RSPH14: variants seen among roughly 807,000 people sequenced by gnomAD.
The protein encoded by RSPH14 is rhabdoid tumor deletion region gene 1.
RSPH14 carries 20 observed loss-of-function variants against 26.7 expected under a neutral mutation model. The ratio of observed to expected loss-of-function variants is 0.75; its 90% confidence interval spans 0.53 to 1.09. The LOEUF (loss-of-function observed/expected upper bound fraction) is 1.09. Ranked by LOEUF, RSPH14 falls within the 50% of genes least tolerant of loss-of-function variation. RSPH14 has a pLI of 0.00. For synonymous variants in RSPH14, 177 were observed against 189.3 expected, an observed-to-expected ratio of 0.93 and a Z score of 0.53; for missense variants, 449 against 457.2, an observed-to-expected ratio of 0.98 and a Z score of 0.16.
intron 5 of RSPH14, among the ~76,000 whole-genome samples, 153 bp downstream of exon 5, chr22:23,063,749 G>T (rs531379035): frequency 3.3e-5 from 5 of 152,192 alleles, no homozygotes; most frequent in African/African-American, 4.8e-5. Context: ...CCCTAGGGGA[G>T]AAGGTCATCC....
At chr22:23,163,950 C>T in the RSPH14 span, 1 of 152,400 alleles carries the variant, frequency 6.6e-6, no homozygotes, top group African/African-American at 2.4e-5. Flanking sequence ...CCTCCCCATC[C>T]GCGGGCCATC....
At chr22:23,082,961 C>T (rs1054037016) in intron 4 of RSPH14, among the ~76,000 whole-genome samples, 4 of 151,992 alleles carry the variant, frequency 2.6e-5, no homozygotes, top group African/African-American at 4.8e-5. Context: ...TGGTCAAGAT[C>T]ATATTAAGGT....
chr22:23,176,400 C>A, the RSPH14 span, among the ~76,000 whole-genome samples: 34 of 152,340 alleles, frequency 2.2e-4, no homozygotes, highest in African/African-American at 7.5e-4. Context: ...TTGCTTGATA[C>A]ACCGCTTCCT....
At chr22:23,180,367 G>A in the RSPH14 span, 3 of 173,890 alleles carry the variant, frequency 1.7e-5, no homozygotes, top group Non-Finnish European at 2.5e-5. Flanking sequence ...ACAGGGACGG[G>A]GGGAGGGTGG....
At chr22:23,165,456 G>A in the RSPH14 span, among the ~76,000 whole-genome samples, 2 of 152,206 alleles carry the variant, frequency 1.3e-5, no homozygotes, top group Non-Finnish European at 2.9e-5. Flanking sequence ...CTGATCTTGG[G>A]AAGAGCTTGG....
chr22:23,123,084 C>T, intron 4 of RSPH14: 2 of 1,605,530 alleles, frequency 1.2e-6, no homozygotes, highest in Non-Finnish European at 1.7e-6. Flanking sequence ...TTCCTTTCCC[C>T]AGAGTCGGAT....
At chr22:23,123,397 T>A in intron 4 of RSPH14, 1 of 1,613,810 alleles carries the variant, frequency 6.2e-7, no homozygotes, top group Non-Finnish European at 8.5e-7. Context: ...GACGTCATCA[T>A]ACAGAACAAT....
At chr22:23,096,303 G>C (rs1423293042) in intron 4 of RSPH14, 7 of 1,613,924 alleles carry the variant, frequency 4.3e-6, no homozygotes, top group South Asian at 1.1e-5. Flanking sequence ...GTGGACGTGG[G>C]GGGGCAGAGG....
At chr22:23,095,666 C>T (rs896580737) in intron 4 of RSPH14, 1 of 1,576,802 alleles carries the variant, frequency 6.3e-7, no homozygotes, top group African/African-American at 1.4e-5. Flanking sequence ...CCATCCCGTG[C>T]TCCTTGTCTG....
At chr22:23,113,961 A>G (rs1453640309) in intron 4 of RSPH14, among the ~76,000 whole-genome samples, 1 of 152,208 alleles carries the variant, frequency 6.6e-6, no homozygotes. Flanking sequence ...TGCCCAGCAG[A>G]CAGGCAGCCC....
rs1842083268 is a variant in RSPH14 at position 23,059,480 on chromosome 22, G to T, written c.1029C>A (p.Val343=). 1.2e-6 allele frequency: 2 copies of T among 1,610,276 alleles called. No individual in the cohort carries two copies. Among genetic ancestry groups the T allele is most frequent in the Non-Finnish European group, 1.7e-6 (2 of 1,177,428 alleles). The change falls in exon 7 of 7, where the codon GTC becomes GTA. Residue 343 remains valine, a synonymous_variant. Transcript: ENST00000216036. Reference sequence around the variant, plus strand: ...GAAGGGCTCAGGGTTTGAACTCGATGACACTGATGGCGATCCGGGCTGCCC... The same window carrying T: ...GAAGGGCTCAGGGTTTGAACTCGATTACACTGATGGCGATCCGGGCTGCCC... ...LQRAARIAIS[V]IEFKP is the part of the protein sequence containing the mutation.
intron 4 of RSPH14, among the ~76,000 whole-genome samples, chr22:23,126,641 C>T (rs1012504549): frequency 6.6e-5 from 10 of 152,198 alleles, no homozygotes; most frequent in Non-Finnish European, 1.5e-4. Context: ...TGGGATGGTC[C>T]AGGAGTCTTA....
At chr22:23,141,887 G>C (rs2070609158) in intron 1 of RSPH14, 62 bp downstream of exon 1, 6 of 716,898 alleles carry the variant, frequency 8.4e-6, no homozygotes, top group Non-Finnish European at 1.0e-5. Flanking sequence ...CGTGTGAATG[G>C]GACTGGGTGG....
upstream of RSPH14, chr22:23,146,603 A>G (rs2070787553): frequency 6.2e-7 from 1 of 1,613,682 alleles, no homozygotes; most frequent in Non-Finnish European, 8.5e-7. Flanking sequence ...TTGGGTCCAC[A>G]GGACTGTGGA....
the RSPH14 span, among the ~76,000 whole-genome samples, chr22:23,156,468 C>A: frequency 2.6e-5 from 4 of 152,118 alleles, no homozygotes; most frequent in African/African-American, 9.7e-5. Context: ...CCAGCAGGGC[C>A]GGATGCTCAC....
chr22:23,123,943 G>A (rs1601844041), intron 4 of RSPH14: 1 of 211,020 alleles, frequency 4.7e-6, no homozygotes, highest in East Asian at 1.2e-4. Context: ...CTTCCCTGCT[G>A]GCCTGCACAC....
In RSPH14 at chr22:23,089,899, G is replaced by C. The variant is rs532817021; in HGVS notation, c.422-25766C>G. On this transcript the variant is annotated intron_variant, in intron 4 of 6. Transcript: ENST00000216036. ...AGATGCTAGTTTCCTGAGGCTGCTG[G>C]GGAGGAGGCAGGCAGGTGCAGACTC... Among the ~76,000 whole-genome samples, 6 of 152,292 alleles carry C rather than the reference G, an allele frequency of 3.9e-5. No homozygotes were observed. The East Asian group carries it at 9.7e-4, about 25-fold the overall frequency.
intron 4 of RSPH14, among the ~76,000 whole-genome samples, chr22:23,097,493 C>G (rs949372291): frequency 6.6e-6 from 1 of 152,210 alleles, no homozygotes; most frequent in Non-Finnish European, 1.5e-5. Context: ...GGGCTTGCCT[C>G]CCTCCCCTCC....
intron 4 of RSPH14, chr22:23,131,220 T>A (rs1181578743): frequency 6.4e-6 from 1 of 155,612 alleles, no homozygotes; most frequent in African/African-American, 2.4e-5. Context: ...ATTTAGGTTT[T>A]TTAAGGTTTT....
Sources: allele counts gnomAD v4.1 joint callset (sites outside exome capture counted in the v4.1 genomes callset), GRCh38; gene constraint gnomAD v4.1.1; transcripts MANE v1.5; gene names NCBI Gene and HGNC (gene_info 2026-07-23, HGNC 2026-07-21).